NAPRT: variants seen among roughly 807,000 people sequenced by gnomAD.
NAPRT encodes the protein nicotinate phosphoribosyltransferase.
Under a neutral mutation model 60.7 loss-of-function variants are expected in NAPRT, and 66 were observed. The observed-to-expected ratio is 1.09, with a 90% CI of 0.89 to 1.33. NAPRT has a LOEUF of 1.33. Ranked by LOEUF, NAPRT falls within the 40% of genes most tolerant of loss-of-function variation. NAPRT has a pLI of 0.00. For synonymous variants in NAPRT, 405 were observed against 335.7 expected, an observed-to-expected ratio of 1.21 and a Z score of -2.26; for missense variants, 818 against 731.5, an observed-to-expected ratio of 1.12 and a Z score of -1.36.
chr8:143,573,019 C>T (rs1563924541), downstream of NAPRT: 5 of 423,478 alleles, frequency 1.2e-5, no homozygotes, highest in Admixed American at 1.2e-4. Context: ...GGAGAAGGGC[C>T]CCCACCCTGA....
chr8:143,578,154 G>T lies in NAPRT; in HGVS notation c.165C>A (p.Ala55=). The change falls in exon 1 of 13, where the codon GCC becomes GCA. Residue 55 remains alanine (A), a synonymous_variant. Transcript: ENST00000449291. ...FRRCPFGGAF[A]LAAGLRDCVR... ...CACAGTCGCGCAAGCCGGCGGCCAA[G>T]GCGAAGGCGCCGCCGAACGGGCAGC... is the stretch of plus-strand genomic sequence containing the variant. The T allele has an allele frequency of 1.3e-6, 2 of 1,521,062 alleles. No homozygotes were observed. Among genetic ancestry groups the T allele is most frequent in the South Asian group, 2.4e-5 (2 of 82,670 alleles). The allele number at this position is 1,521,062 out of a possible 1,614,324, so 94.2% of individuals were successfully genotyped here.
In NAPRT at chr8:143,576,851, C is replaced by A; in HGVS notation, c.685-9G>T. On this transcript the variant is annotated splice_polypyrimidine_tract_variant and intron_variant, in intron 5 of 12. Transcript: ENST00000449291. The stretch of plus-strand genomic sequence containing the variant: ...GCTGCTGGCGCCAACATCTGTGGAA[C>A]AGAGTCGGTGAAGAATGGGGGCCAG... 1 of 1,590,366 alleles carries A rather than the reference C, an allele frequency of 6.3e-7. No individual in the cohort carries two copies. The highest frequency in any genetic ancestry group is 8.6e-7 in the Non-Finnish European group (1 of 1,166,188).
intron 1 of NAPRT, 57 bp from the exon 2 acceptor site, chr8:143,578,000 TGGGG>T: frequency 6.6e-7 from 1 of 1,514,736 alleles, no homozygotes; most frequent in Non-Finnish European, 8.9e-7. Flanking sequence ...TCGTGGGACA[TGGGG>T]GGTTCCACGG....
Position 143,574,832 on chromosome 8 carries a change from C to G in NAPRT, c.*6G>C, listed in dbSNP as rs190345767. 3.9e-6 allele frequency: 6 copies of G among 1,550,566 alleles called. No individual in the cohort carries two copies. Among genetic ancestry groups the G allele is most frequent in the South Asian group, 1.2e-5 (1 of 84,066 alleles). On this transcript the variant is annotated 3_prime_UTR_variant, in exon 13 of 13. Transcript: ENST00000449291. ...GTGTTGTTTCCAGTCAGCCCCGCTC[C>G]GAGTCTCAGGGGGACTGCCCCGCAC...
rs770415879 is a variant in NAPRT at position 143,576,409 on chromosome 8, C to G, written c.1022+23G>C. 18 of 1,587,694 alleles carry G rather than the reference C, an allele frequency of 1.1e-5. No homozygotes were observed. In the Admixed American group the frequency reaches 3.1e-4, roughly 27 times the overall value. On this transcript the variant is annotated intron_variant, in intron 7 of 12. Transcript: ENST00000449291. ...AACCCCGGGGATCTCCCACCAGGCA[C>G]ACCTCCTCCCCGGGAAACTCACTGG...
intron 1 of NAPRT, 23 bp downstream of exon 1, chr8:143,578,070 T>C: frequency 6.8e-7 from 1 of 1,478,032 alleles, no homozygotes; most frequent in Non-Finnish European, 9.0e-7. Flanking sequence ...CGTGGGGGGC[T>C]CGTCGCGCGG....
rs766713312 is a variant in NAPRT, at chr8:143,577,370, C to T, written c.467G>A (p.Arg156His). The T allele has an allele frequency of 3.1e-6, 5 of 1,607,974 alleles. No individual in the cohort carries two copies. The South Asian group carries it at 3.3e-5, about 11-fold the overall frequency. ...SLVATNAARLRLIAGPEKRLL... is the reference protein window; with the variant it reads ...SLVATNAARLHLIAGPEKRLL... ...CCGCTTCTCTGGCCCTGCGATCAAG[C>T]GAAGCCGCGCTGCGTTGGTGGCCAC... is the stretch of plus-strand genomic sequence containing the variant. Residue 156 changes from arginine to histidine, a missense_variant, in exon 4 of 13, where the codon CGC becomes CAC. By Grantham distance (29) the Arg-to-His change is conservative. Coordinates refer to ENST00000449291, the MANE Select transcript of NAPRT (RefSeq NM_145201.6).
Position 143,575,252 on chromosome 8 carries a change from G to A in NAPRT, c.1385C>T (p.Pro462Leu), listed in dbSNP as rs1824348331. The A allele has an allele frequency of 6.2e-7, 1 of 1,612,584 alleles. No individual in the cohort carries two copies. Among genetic ancestry groups the A allele is most frequent in the Non-Finnish European group, 8.5e-7 (1 of 1,179,954 alleles). The change falls in exon 11 of 13, where the codon CCC becomes CTC. Residue 462 changes from proline to leucine, a missense_variant. Pro to Leu is a moderately conservative substitution (Grantham distance 98, BLOSUM62 -3). Transcript: ENST00000449291. ...CACCTGGGCTGGCCTCACGGTGCAGGGCTCCTGGGCCCCTGGAGGCCACAC... is the reference window on the plus strand; with the variant it reads ...CACCTGGGCTGGCCTCACGGTGCAGAGCTCCTGGGCCCCTGGAGGCCACAC... Reference protein sequence around the residue: ...LRVWPPGAQEPCTVRPAQVEP... With the variant: ...LRVWPPGAQELCTVRPAQVEP...
downstream of NAPRT, chr8:143,574,667 T>C (rs1587041062): frequency 2.6e-6 from 2 of 779,280 alleles, no homozygotes; most frequent in Non-Finnish European, 4.3e-6. Context: ...GTGCTTTCAC[T>C]GGGATGCAAA....
chr8:143,574,775 CAGG>C (rs1212340616), downstream of NAPRT: 1 of 1,543,038 alleles, frequency 6.5e-7, no homozygotes, highest in Non-Finnish European at 8.8e-7. Context: ...ACAAACAACA[CAGG>C]ACAAGCTGTG....
chr8:143,577,855 CG>C lies in NAPRT; in HGVS notation c.314del (p.Thr105ArgfsTer53). 3 of 1,611,940 alleles carry C rather than the reference CG, an allele frequency of 1.9e-6. No individual in the cohort carries two copies. The highest frequency in any genetic ancestry group is 2.5e-6 in the Non-Finnish European group (3 of 1,179,698). ...GGGAGCCCTCGGGCAGGGCTCGCAC[CG>C]TCACCTCGGAGCAGTCGAGGGCCCG... is the stretch of plus-strand genomic sequence containing the variant. ...HLRALDCSEV[T>X]VRALPEGSLA... On this transcript the variant is annotated frameshift_variant, in exon 2 of 13. Transcript: ENST00000449291. LOFTEE classifies it high-confidence loss of function.
Position 143,577,255 on chromosome 8 carries a change from C to T in NAPRT, c.568+14G>A. 1.9e-6 allele frequency: 3 copies of T among 1,608,364 alleles called. No individual in the cohort carries two copies. The highest frequency in any genetic ancestry group is 2.5e-6 in the Non-Finnish European group (3 of 1,177,268). On this transcript the variant is annotated intron_variant, in intron 4 of 12. Coordinates refer to ENST00000449291, the MANE Select transcript of NAPRT (RefSeq NM_145201.6). ...CCTTCCCGGCCCTTGCCTTGCCCCG[C>T]ACCAGACACTCACCGCCCAGGTAGC...
Position 143,576,467 on chromosome 8 carries a change from C to T in NAPRT, c.987G>A (p.Gln329=). Residue 329 remains glutamine, a synonymous_variant, in exon 7 of 13, where the codon CAG becomes CAA. Transcript: ENST00000449291. ...LDSGDLLQQA[Q]EIRKVFRAAA... ...CAGCTCGGAAGACCTTGCGGATCTC[C>T]TGAGCCTGCTGTAGCAGGTCACCAC... The T allele has an allele frequency of 1.2e-6, 2 of 1,611,996 alleles. No homozygotes were observed. The highest frequency in any genetic ancestry group is 1.7e-6 in the Non-Finnish European group (2 of 1,179,414).
rs770388670 is a variant in NAPRT, at chr8:143,576,484, G to A, written c.970C>T (p.Leu324=). 13 of 1,612,486 alleles carry A rather than the reference G, an allele frequency of 8.1e-6. No individual in the cohort carries two copies. The Admixed American group carries it at 1.7e-4, about 21-fold the overall frequency. ...AVGVRLDSGD[L]LQQAQEIRKV... ...CGGATCTCCTGAGCCTGCTGTAGCA[G>A]GTCACCACTGTCCAGCCTCACGCCC... Residue 324 remains leucine (L), a synonymous_variant, in exon 7 of 13, where the codon CTG becomes TTG. Coordinates refer to ENST00000449291, the MANE Select transcript of NAPRT (RefSeq NM_145201.6).
intron 4 of NAPRT, 42 bp from the exon 5 acceptor site, chr8:143,577,219 A>G (rs750628307): frequency 4.4e-6 from 7 of 1,604,948 alleles, no homozygotes; most frequent in Non-Finnish European, 6.0e-6. Context: ...TCGGGCCAAG[A>G]TGGGGCTCCT....
downstream of NAPRT, chr8:143,572,952 C>G (rs1385137764): frequency 2.5e-5 from 12 of 488,748 alleles, no homozygotes; most frequent in East Asian, 3.4e-4. Context: ...TGTGGCTCTA[C>G]CCACCAGGGC....
chr8:143,575,283 G>C lies in NAPRT; in HGVS notation c.1354C>G (p.Leu452Val), dbSNP rs1193505974. ...TGGGCCCCTGGAGGCCACACCCTCA[G>C]CTCCTGCCCAGCCTGTGGCACTGGC... Reference protein sequence around the residue: ...EEPVPQAGQELRVWPPGAQEP... With the variant: ...EEPVPQAGQEVRVWPPGAQEP... The change falls in exon 11 of 13, where the codon CTG becomes GTG. Residue 452 changes from leucine to valine, a missense_variant. Physicochemically the swap from Leu to Val is conservative, Grantham distance 32. Transcript: ENST00000449291. 2.5e-6 allele frequency: 4 copies of C among 1,612,572 alleles called. No individual in the cohort carries two copies. The highest frequency in any genetic ancestry group is 1.7e-5 in the Admixed American group (1 of 60,014).
chr8:143,576,343 C>T, intron 7 of NAPRT, 89 bp downstream of exon 7: 3 of 1,506,924 alleles, frequency 2.0e-6, no homozygotes, highest in Non-Finnish European at 2.7e-6. Context: ...ACCGCTGAAA[C>T]TTCAGCAGAG....
At chr8:143,574,017 C>T (rs12546272), downstream of NAPRT, 107,275 of 152,298 alleles carry the variant, frequency 0.7, 38,222 homozygotes, top group Non-Finnish European at 0.77. Flanking sequence ...CAAGAGAGGC[C>T]CAGGCCCCCA....
Sources: gnomAD v4.1 joint callset for allele counts on GRCh38, gnomAD v4.1.1 for gene constraint, MANE v1.5 for transcripts, NCBI Gene and HGNC (gene_info 2026-07-23, HGNC 2026-07-21) for gene names.